PTPRG: variants seen among roughly 807,000 people sequenced by gnomAD.
The protein encoded by PTPRG is protein tyrosine phosphatase receptor type G.
A neutral mutation model predicts 165.3 loss-of-function variants in PTPRG; 102 were observed. The observed-to-expected ratio is 0.62, with a 90% CI of 0.53 to 0.73. PTPRG has a LOEUF of 0.73. Among genes scored for constraint, PTPRG ranks in the 30% least tolerant of loss-of-function variants. The pLI is 0.00. For synonymous variants in PTPRG, 675 were observed against 669.5 expected (o/e 1.01, Z -0.13); for missense variants, 1,866 against 1,861.4 (o/e 1.00, Z -0.05).
chr3:62,249,201 T>C (rs1019135378), intron 15 of PTPRG, among the ~76,000 whole-genome samples: 3 of 152,212 alleles, frequency 2.0e-5, no homozygotes, highest in Non-Finnish European at 2.9e-5. Context: ...ATCTTGATAA[T>C]GTCCTTTTGT....
intron 4 of PTPRG, among the ~76,000 whole-genome samples, chr3:62,032,731 G>A (rs1414732180): frequency 1.3e-5 from 2 of 152,188 alleles, no homozygotes; most frequent in Non-Finnish European, 2.9e-5. Flanking sequence ...GATTTCAGGA[G>A]TGACATGTAG....
At chr3:61,736,912 GC>G (rs2032744217) in intron 1 of PTPRG, among the ~76,000 whole-genome samples, 1 of 152,176 alleles carries the variant, frequency 6.6e-6, no homozygotes, top group African/African-American at 2.4e-5. Flanking sequence ...TTAAAGGAAG[GC>G]ATATATCAGA....
At chr3:61,816,426 G>C (rs112174723) in intron 2 of PTPRG, among the ~76,000 whole-genome samples, 1 of 152,246 alleles carries the variant, frequency 6.6e-6, no homozygotes, top group African/African-American at 2.4e-5. Context: ...TAGCTACTTG[G>C]GAGGCTGAGG....
chr3:62,277,767 T>C, intron 26 of PTPRG, 88 bp downstream of exon 26: 7 of 1,509,430 alleles, frequency 4.6e-6, no homozygotes, highest in South Asian at 2.4e-5. Flanking sequence ...GGCTATAGTA[T>C]CCATATATGC....
intron 5 of PTPRG, among the ~76,000 whole-genome samples, chr3:62,117,831 C>T (rs1268111623): frequency 6.6e-6 from 1 of 152,192 alleles, no homozygotes; most frequent in African/African-American, 2.4e-5. Context: ...CAGTACAATA[C>T]ATCCTAGTAT....
intron 5 of PTPRG, among the ~76,000 whole-genome samples, chr3:62,114,884 C>A (rs13079959): frequency 0.36 from 54,828 of 151,944 alleles, 10,113 homozygotes; most frequent in Middle Eastern, 0.44. Flanking sequence ...AAGCAATCCT[C>A]CCATCTCAGC....
chr3:62,045,251 T>C (rs1000705374), intron 4 of PTPRG, among the ~76,000 whole-genome samples: 13 of 152,228 alleles, frequency 8.5e-5, no homozygotes, highest in African/African-American at 2.9e-4. Context: ...ATTTATGCAG[T>C]GTTTATCTCT....
At chr3:61,997,353 C>T (rs79043068) in intron 3 of PTPRG, among the ~76,000 whole-genome samples, 1 of 152,160 alleles carries the variant, frequency 6.6e-6, no homozygotes, top group Non-Finnish European at 1.5e-5. Context: ...TCAAGCATAT[C>T]AAGGACTTCC....
In PTPRG at chr3:62,273,835, G is replaced by A; in HGVS notation, c.3456G>A (p.Lys1152=). The A allele has an allele frequency of 8.1e-6, 13 of 1,613,708 alleles. No individual in the cohort carries two copies. Among genetic ancestry groups the A allele is most frequent in the Non-Finnish European group, 1.0e-5 (12 of 1,179,754 alleles). ...TAGGAGGAAAGACACGACTGGAAAA[G>A]CAATTCAAGGTAGTGCTTTGAAAAA... is the stretch of plus-strand genomic sequence containing the variant. ...PGVGGKTRLE[K]QFKLVTQCNA... Residue 1152 remains lysine, a synonymous_variant, in exon 23 of 30, where the codon AAG becomes AAA. Coordinates refer to ENST00000474889, the MANE Select transcript of PTPRG (RefSeq NM_002841.4). The surrounding 1 kb of genome is among the most constrained non-coding windows in gnomAD (Gnocchi z 4.1).
chr3:61,706,960 G>A (rs1263973469), intron 1 of PTPRG, among the ~76,000 whole-genome samples: 1 of 152,072 alleles, frequency 6.6e-6, no homozygotes, highest in Non-Finnish European at 1.5e-5. Flanking sequence ...TACATATGGG[G>A]AAATACCTAA....
rs1318771264 is a variant in PTPRG, at chr3:62,190,556, A to C, written c.1034-913A>C. Among the ~76,000 whole-genome samples, 1 of 152,092 alleles carries C rather than the reference A, an allele frequency of 6.6e-6. No individual in the cohort carries two copies. Among genetic ancestry groups the C allele is most frequent in the African/African-American group, 2.4e-5 (1 of 41,374 alleles). On this transcript the variant is annotated intron_variant, in intron 8 of 29. Transcript: ENST00000474889. This position sits in a 1 kb window ranked among gnomAD's most constrained non-coding sequence, Gnocchi z 5.2. ...CCCTTAAACCTCTCAGCCCCAAGGA[A>C]TAAGAAGATGAATGAGCCTGACTTT...
At chr3:62,063,686 A>G in intron 4 of PTPRG, among the ~76,000 whole-genome samples, 1 of 152,270 alleles carries the variant, frequency 6.6e-6, no homozygotes, top group Admixed American at 6.5e-5. Flanking sequence ...TATTTTTTGT[A>G]GAGAACTAGT....
At chr3:62,067,407 G>A (rs1000493348) in intron 4 of PTPRG, among the ~76,000 whole-genome samples, 2 of 152,052 alleles carry the variant, frequency 1.3e-5, no homozygotes, top group Admixed American at 6.5e-5. Flanking sequence ...TTTTTGGCAC[G>A]AGGGACCGGT....
intron 28 of PTPRG, among the ~76,000 whole-genome samples, chr3:62,290,243 T>G (rs1702832603): frequency 6.6e-6 from 1 of 152,096 alleles, no homozygotes; most frequent in Admixed American, 6.5e-5. Context: ...AGACATTGTG[T>G]TCATGAAGAG....
At position 62,203,798 on chromosome 3, in the gene PTPRG, C is replaced by T; in HGVS notation, c.2003C>T (p.Pro668Leu). 6.2e-7 allele frequency: 1 copy of T among 1,613,746 alleles called. No homozygotes were observed. Among genetic ancestry groups the T allele is most frequent in the Non-Finnish European group, 8.5e-7 (1 of 1,179,858 alleles). ...AGGGATGCCGGCCCAGGCCTGGACC[C>T]CGACATGGTCACCTCCACCCAAGTG... ...GRRDAGPGLD[P>L]DMVTSTQVPP... Residue 668 changes from proline (P) to leucine (L), a missense_variant, in exon 12 of 30, where the codon CCC (proline) becomes CTC (leucine). Transcript: ENST00000474889. This position sits in a 1 kb window ranked among gnomAD's most constrained non-coding sequence, Gnocchi z 6.4.
At chr3:62,090,390 T>C (rs982969213) in intron 5 of PTPRG, among the ~76,000 whole-genome samples, 3 of 152,102 alleles carry the variant, frequency 2.0e-5, no homozygotes, top group African/African-American at 7.2e-5. Context: ...GCTTCAGAAA[T>C]GCAAGCAGCT....
chr3:61,736,819 A>C (rs1299720902), intron 1 of PTPRG, among the ~76,000 whole-genome samples: 1 of 152,198 alleles, frequency 6.6e-6, no homozygotes, highest in Non-Finnish European at 1.5e-5. Context: ...ATATTGGTTA[A>C]AATGTTCTAA....
intron 1 of PTPRG, among the ~76,000 whole-genome samples, chr3:61,676,585 A>C (rs551593377): frequency 3.3e-5 from 5 of 151,988 alleles, no homozygotes; most frequent in Non-Finnish European, 5.9e-5. Context: ...TTAGTGTATC[A>C]AGTAATTTTT....
intron 12 of PTPRG, among the ~76,000 whole-genome samples, chr3:62,204,187 C>A (rs1700169004): frequency 6.6e-6 from 1 of 152,092 alleles, no homozygotes; most frequent in Non-Finnish European, 1.5e-5. Context: ...TGTTTTCTTG[C>A]CTCGGAATAA....
Sources: allele counts gnomAD v4.1 joint callset (sites outside exome capture counted in the v4.1 genomes callset), GRCh38; gene constraint gnomAD v4.1.1; non-coding constraint Gnocchi (gnomAD v3.1); transcripts MANE v1.5; gene names NCBI Gene and HGNC (gene_info 2026-07-23, HGNC 2026-07-21).